Variants in CNTNAP2 observed in about 807,000 individuals in gnomAD.
CNTNAP2 encodes contactin associated protein 2.
In CNTNAP2, 98 loss-of-function variants were observed where a neutral mutation model predicts 155.2. The observed-to-expected ratio is 0.63, with a 90% CI of 0.54 to 0.75. CNTNAP2 has a LOEUF of 0.75. Among genes scored for constraint, CNTNAP2 ranks in the 30% least tolerant of loss-of-function variants. CNTNAP2 has a pLI of 0.00. For synonymous variants in CNTNAP2, 651 were observed against 631.2 expected (o/e 1.03, Z -0.47); for missense variants, 1,727 against 1,688.1 (o/e 1.02, Z -0.40).
At chr7:147,675,350 C>T (rs1489499841) in intron 13 of CNTNAP2, among the ~76,000 whole-genome samples, 4 of 151,970 alleles carry the variant, frequency 2.6e-5, no homozygotes, top group African/African-American at 7.3e-5. Flanking sequence ...TTTCAATTTC[C>T]GAATAAGATC....
chr7:148,061,940 G>GAT (rs1272726997), intron 15 of CNTNAP2, among the ~76,000 whole-genome samples: 5 of 132,046 alleles, frequency 3.8e-5, no homozygotes, highest in South Asian at 2.6e-4. Flanking sequence ...TAGATAGATA[G>GAT]ATAGATAAAC....
chr7:147,173,271 A>T (rs1221165126), intron 8 of CNTNAP2, among the ~76,000 whole-genome samples: 1 of 152,070 alleles, frequency 6.6e-6, no homozygotes, highest in African/African-American at 2.4e-5. Context: ...CCATTTACAT[A>T]AGCCAAGTCC....
At chr7:146,681,910 A>G (rs1232713783) in intron 1 of CNTNAP2, among the ~76,000 whole-genome samples, 2 of 152,296 alleles carry the variant, frequency 1.3e-5, no homozygotes, top group South Asian at 2.1e-4. Flanking sequence ...CATCATCTCT[A>G]TCTAAGTATT....
intron 1 of CNTNAP2, among the ~76,000 whole-genome samples, chr7:146,411,546 A>T (rs1201310613): frequency 1.3e-5 from 2 of 152,178 alleles, no homozygotes; most frequent in African/African-American, 4.8e-5. Flanking sequence ...AACTTGATGT[A>T]GCCATTCCAC....
chr7:146,815,811 C>T (rs2129194932), intron 2 of CNTNAP2, among the ~76,000 whole-genome samples: 1 of 152,122 alleles, frequency 6.6e-6, no homozygotes, highest in Middle Eastern at 3.4e-3. Flanking sequence ...GCACAACGTG[C>T]AGGTTTGTTA....
At chr7:146,413,360 A>G (rs1249421879) in intron 1 of CNTNAP2, among the ~76,000 whole-genome samples, 1 of 152,194 alleles carries the variant, frequency 6.6e-6, no homozygotes, top group Non-Finnish European at 1.5e-5. Context: ...GCTCTTCTGC[A>G]AGTCCCAAGA....
intron 1 of CNTNAP2, among the ~76,000 whole-genome samples, chr7:146,721,889 A>ATATATATATATTTTT: frequency 1.4e-5 from 1 of 69,738 alleles, no homozygotes; most frequent in African/African-American, 1.9e-4. Flanking sequence ...ATATATATAT[A>ATATATATATATTTTT]TTTTTTTTTT....
intron 3 of CNTNAP2, among the ~76,000 whole-genome samples, chr7:146,886,299 C>A (rs1057289478): frequency 7.5e-5 from 11 of 147,248 alleles, no homozygotes; most frequent in Non-Finnish European, 1.5e-4. Flanking sequence ...AAAGAAATAT[C>A]TTTATACCAA....
At chr7:146,428,526 G>C (rs1796126178) in intron 1 of CNTNAP2, among the ~76,000 whole-genome samples, 2 of 151,184 alleles carry the variant, frequency 1.3e-5, no homozygotes, top group African/African-American at 4.9e-5. Context: ...TCATATGTTT[G>C]TTGGCATATG....
At chr7:148,105,933 G>A (rs2116588635) in intron 15 of CNTNAP2, among the ~76,000 whole-genome samples, 1 of 152,306 alleles carries the variant, frequency 6.6e-6, no homozygotes, top group Non-Finnish European at 1.5e-5. Context: ...TATCAAGGAT[G>A]AATTTGAGAT....
Position 147,903,708 on chromosome 7 carries a change from G to A in CNTNAP2, c.2242G>A (p.Asp748Asn). ...CAAGTACTACTGTAACTGCGACGCGGACTACAAGCAATGGTGAGTGCCTGC... is the reference window on the plus strand; with the variant it reads ...CAAGTACTACTGTAACTGCGACGCGAACTACAAGCAATGGTGAGTGCCTGC... Reference protein sequence around the residue: ...DPKYYCNCDADYKQWRKDAGF... With the variant: ...DPKYYCNCDANYKQWRKDAGF... The change falls in exon 14 of 24, where the codon GAC becomes AAC. Residue 748 changes from aspartate (D) to asparagine (N), a missense_variant. Coordinates refer to ENST00000361727, the MANE Select transcript of CNTNAP2 (RefSeq NM_014141.6). 1.2e-6 allele frequency: 2 copies of A among 1,613,756 alleles called. No homozygotes were observed. The highest frequency in any genetic ancestry group is 1.7e-6 in the Non-Finnish European group (2 of 1,179,876).
intron 1 of CNTNAP2, among the ~76,000 whole-genome samples, chr7:146,628,829 C>G (rs117189086): frequency 0.022 from 3,418 of 152,110 alleles, 47 homozygotes; most frequent in Middle Eastern, 0.041. Context: ...ATTTAAGCAG[C>G]TACAAATACT....
At chr7:147,905,907 A>C (rs1376989079) in intron 14 of CNTNAP2, among the ~76,000 whole-genome samples, 1 of 150,676 alleles carries the variant, frequency 6.6e-6, no homozygotes, top group East Asian at 1.9e-4. Context: ...ACAAACAAAC[A>C]AACAAACAAA....
chr7:147,519,404 A>T (rs1799191373), intron 11 of CNTNAP2, among the ~76,000 whole-genome samples: 1 of 152,186 alleles, frequency 6.6e-6, no homozygotes, highest in Non-Finnish European at 1.5e-5. Context: ...AAAAATCTAA[A>T]ATAATCTCCT....
At chr7:146,777,649 C>T (rs1802413499) in intron 2 of CNTNAP2, among the ~76,000 whole-genome samples, 1 of 151,876 alleles carries the variant, frequency 6.6e-6, no homozygotes, top group South Asian at 2.1e-4. Context: ...CTACAAGCTC[C>T]ACCTCCTGGG....
intron 18 of CNTNAP2, among the ~76,000 whole-genome samples, chr7:148,177,621 G>A (rs974750556): frequency 6.6e-6 from 1 of 152,198 alleles, no homozygotes; most frequent in Non-Finnish European, 1.5e-5. Context: ...TTCTAATTGT[G>A]TTAGCATCGT....
At chr7:147,700,535 T>C (rs1386357234) in intron 13 of CNTNAP2, among the ~76,000 whole-genome samples, 1 of 152,332 alleles carries the variant, frequency 6.6e-6, no homozygotes, top group East Asian at 1.9e-4. Context: ...GTAAGAAGTT[T>C]AAAAGCCACA....
chr7:148,327,677 C>T (rs1184262694), intron 21 of CNTNAP2, among the ~76,000 whole-genome samples: 1 of 152,198 alleles, frequency 6.6e-6, no homozygotes, highest in Non-Finnish European at 1.5e-5. Flanking sequence ...TCTCCTAGAA[C>T]CGTATTATAA....
At chr7:146,385,877 G>A (rs1397868070) in intron 1 of CNTNAP2, among the ~76,000 whole-genome samples, 1 of 152,198 alleles carries the variant, frequency 6.6e-6, no homozygotes, top group Non-Finnish European at 1.5e-5. Context: ...TGTTTTAAAG[G>A]ATAGATAAAG....
Sources: allele counts gnomAD v4.1 joint callset (sites outside exome capture counted in the v4.1 genomes callset), GRCh38; gene constraint gnomAD v4.1.1; transcripts MANE v1.5; gene names NCBI Gene and HGNC (gene_info 2026-07-23, HGNC 2026-07-21).